TOMM5: variants seen among roughly 807,000 people sequenced by gnomAD.
TOMM5 encodes the protein mitochondrial import receptor subunit TOM5 homolog.
In TOMM5, 1 loss-of-function variant was observed where a neutral mutation model predicts 4.8. The observed-to-expected ratio is 0.21, with a 90% CI of 0.07 to 0.99. The LOEUF is 0.99. Among genes scored for constraint, TOMM5 ranks in the 50% least tolerant of loss-of-function variants. The probability of loss-of-function intolerance (pLI) is 0.60; values close to 1 mark genes in which losing one functional copy is unlikely to be tolerated. For missense variants in TOMM5, 60 were observed against 66.6 expected (o/e 0.90, Z 0.35); for synonymous variants, 26 against 26.7 (o/e 0.97, Z 0.08).
intron 1 of TOMM5, 66 bp downstream of exon 1, chr9:37,592,346 G>A (rs1263036977): frequency 1.9e-6 from 3 of 1,609,472 alleles, no homozygotes; most frequent in Non-Finnish European, 2.5e-6. Flanking sequence ...TGACCCCTTA[G>A]AGTTAAGGGG....
At chr9:37,591,764 G>A (rs576060243) in intron 1 of TOMM5, among the ~76,000 whole-genome samples, 6 of 151,902 alleles carry the variant, frequency 3.9e-5, no homozygotes, top group African/African-American at 1.5e-4. Flanking sequence ...CTGGATTTTA[G>A]GTCAAGATCA....
At chr9:37,592,301 C>G (rs1386144241) in intron 1 of TOMM5, 111 bp downstream of exon 1, 1 of 1,571,152 alleles carries the variant, frequency 6.4e-7, no homozygotes, top group South Asian at 1.2e-5. Flanking sequence ...CCTCCTTGCT[C>G]CCCGCTACCG....
At chr9:37,592,367 T>C (rs1361767044) in intron 1 of TOMM5, 45 bp downstream of exon 1, 22 of 1,612,882 alleles carry the variant, frequency 1.4e-5, no homozygotes, top group Non-Finnish European at 1.9e-5. Flanking sequence ...TGCCCGTCGG[T>C]GAGCTCCCCG....
chr9:37,588,989 T>C (rs984557095), intron 1 of TOMM5, 57 bp from the exon 2 acceptor site: 7 of 1,401,876 alleles, frequency 5.0e-6, no homozygotes, highest in Middle Eastern at 2.0e-4. Flanking sequence ...ATAGGCTACA[T>C]TATAGAATTA....
intron 1 of TOMM5, among the ~76,000 whole-genome samples, chr9:37,591,295 CTTTTTTCCCAT>C (rs1038038990): frequency 4.6e-5 from 7 of 152,102 alleles, no homozygotes; most frequent in African/African-American, 1.7e-4. Context: ...GACTCATATT[CTTTTTTCCCAT>C]TTTTTTCCAA....
Position 37,592,497 on chromosome 9 carries a change from G to C in TOMM5, c.36C>G (p.Asp12Glu), listed in dbSNP as rs1303141933. The C allele has an allele frequency of 6.2e-7, 1 of 1,613,922 alleles. No individual in the cohort carries two copies. The highest frequency in any genetic ancestry group is 2.2e-5 in the East Asian group (1 of 44,872). Residue 12 changes from aspartate (D) to glutamate (E), a missense_variant, in exon 1 of 2, where the codon GAC (aspartate) becomes GAG (glutamate). Asp to Glu is a conservative substitution (Grantham distance 45, BLOSUM62 2). Coordinates refer to ENST00000321301, the MANE Select transcript of TOMM5 (RefSeq NM_001001790.3). Reference sequence around the variant, plus strand: ...GCATCTTCCGTTTCATCTCCTCCGGGTCCAGCTTCGGCGCGAGGCCCTCAA... The same window carrying C: ...GCATCTTCCGTTTCATCTCCTCCGGCTCCAGCTTCGGCGCGAGGCCCTCAA... ...FRIEGLAPKL[D>E]PEEMKRKMRE...
intron 1 of TOMM5, among the ~76,000 whole-genome samples, chr9:37,591,880 G>A (rs1823108666): frequency 6.6e-6 from 1 of 152,082 alleles, no homozygotes; most frequent in African/African-American, 2.4e-5. Context: ...CAAAAACGAG[G>A]GAGTTCCTCT....
intron 1 of TOMM5, among the ~76,000 whole-genome samples, chr9:37,591,693 A>AG (rs1301070074): frequency 6.6e-5 from 6 of 90,280 alleles, no homozygotes; most frequent in Middle Eastern, 5.4e-3. Flanking sequence ...CTGTGTATCG[A>AG]GGAAAAAAAA....
rs1208235611 is a variant in TOMM5 at position 37,592,354 on chromosome 9, G to A, written c.121+58C>T. 1 of 1,611,324 alleles carries A rather than the reference G, an allele frequency of 6.2e-7. No homozygotes were observed. The highest frequency in any genetic ancestry group is 1.1e-5 in the South Asian group (1 of 90,404). ...GCCCCGATGACCCCTTAGAGTTAAG[G>A]GGTGCCCGTCGGTGAGCTCCCCGCT... On this transcript the variant is annotated intron_variant, in intron 1 of 1. Transcript: ENST00000321301.
rs781060334 is a variant in TOMM5 at position 37,592,370 on chromosome 9, GCT to G, written c.121+40_121+41del. 5 of 1,613,148 alleles carry G rather than the reference GCT, an allele frequency of 3.1e-6. No homozygotes were observed. The African/African-American group carries it at 6.7e-5, about 22-fold the overall frequency. On this transcript the variant is annotated intron_variant, in intron 1 of 1. Coordinates refer to ENST00000321301, the MANE Select transcript of TOMM5 (RefSeq NM_001001790.3). ...AGAGTTAAGGGGTGCCCGTCGGTGA[GCT>G]CCCCGCTGGTCTCACAGTCACAGCC...
rs370349476 is a variant in TOMM5, at chr9:37,592,580, G to T, written c.-48C>A. ...CCAGCCGCCGCGCTCTGCTCTCCAC[G>T]GTGGCCGCCTCGCGCCCGGAACTCG... is the stretch of plus-strand genomic sequence containing the variant. On this transcript the variant is annotated 5_prime_UTR_variant, in exon 1 of 2. Transcript: ENST00000321301. The T allele has an allele frequency of 7.8e-5, 124 of 1,588,790 alleles. No homozygotes were observed. Among genetic ancestry groups the T allele is most frequent in the Middle Eastern group, 2.2e-4 (1 of 4,456 alleles).
rs1259157310 is a variant in TOMM5 at position 37,592,348 on chromosome 9, G to A, written c.121+64C>T. On this transcript the variant is annotated intron_variant, in intron 1 of 1. Transcript: ENST00000321301. Reference sequence around the variant, plus strand: ...TCGAAGGCCCCGATGACCCCTTAGAGTTAAGGGGTGCCCGTCGGTGAGCTC... The same window carrying A: ...TCGAAGGCCCCGATGACCCCTTAGAATTAAGGGGTGCCCGTCGGTGAGCTC... 6.2e-7 allele frequency: 1 copy of A among 1,610,022 alleles called. No individual in the cohort carries two copies. The highest frequency in any genetic ancestry group is 2.2e-5 in the East Asian group (1 of 44,710).
At position 37,588,866 on chromosome 9, in the gene TOMM5, C is replaced by T. The variant is rs780372942; in HGVS notation, c.*32G>A. Reference sequence around the variant, plus strand: ...GAGTCGAAACTGTAACCAGGCTCTTCATATCGTGCATTCATATGTGATGTC... The same window carrying T: ...GAGTCGAAACTGTAACCAGGCTCTTTATATCGTGCATTCATATGTGATGTC... On this transcript the variant is annotated 3_prime_UTR_variant, in exon 2 of 2. Transcript: ENST00000321301. 1.1e-5 allele frequency: 17 copies of T among 1,611,274 alleles called. No individual in the cohort carries two copies. Among genetic ancestry groups the T allele is most frequent in the African/African-American group, 4.0e-5 (3 of 74,860 alleles).
chr9:37,592,142 A>G, intron 1 of TOMM5: 1 of 1,362,162 alleles, frequency 7.3e-7, no homozygotes, highest in South Asian at 1.4e-5. Flanking sequence ...TACAGGTGTG[A>G]GCCAACGCGC....
At chr9:37,591,258 A>C (rs913420969) in intron 1 of TOMM5, among the ~76,000 whole-genome samples, 17 of 152,184 alleles carry the variant, frequency 1.1e-4, no homozygotes, top group Admixed American at 3.3e-4. Flanking sequence ...AGAAAAAAAA[A>C]CCTCAAATAT....
intron 1 of TOMM5, among the ~76,000 whole-genome samples, chr9:37,591,418 C>T (rs1823098986): frequency 6.6e-6 from 1 of 151,892 alleles, no homozygotes; most frequent in African/African-American, 2.4e-5. Context: ...GGAACCCGGC[C>T]GCTGGTTCAC....
intron 1 of TOMM5, 49 bp from the exon 2 acceptor site, chr9:37,588,981 A>G: frequency 2.1e-6 from 3 of 1,445,066 alleles, no homozygotes; most frequent in Non-Finnish European, 2.9e-6. Flanking sequence ...ATTAGCCCAT[A>G]GGCTACATTA....
chr9:37,592,148 C>A lies in TOMM5; in HGVS notation c.121+264G>T, dbSNP rs1823112657. On this transcript the variant is annotated intron_variant, in intron 1 of 1. Coordinates refer to ENST00000321301, the MANE Select transcript of TOMM5 (RefSeq NM_001001790.3). ...GGGTGGGATTACAGGTGTGAGCCAA[C>A]GCGCCCGGCAGCTCAAACATTCTTC... 6 of 1,401,534 alleles carry A rather than the reference C, an allele frequency of 4.3e-6. No individual in the cohort carries two copies. The Admixed American group carries it at 1.2e-4, about 27-fold the overall frequency. 86.8% of individuals were successfully genotyped at this position (1,401,534 alleles called of 1,614,324 possible). A position where few individuals can be genotyped will look rare whatever the true frequency, so the allele number is the denominator to read the frequency against.
chr9:37,591,191 A>G (rs917251697), intron 1 of TOMM5, among the ~76,000 whole-genome samples: 2 of 152,196 alleles, frequency 1.3e-5, no homozygotes, highest in African/African-American at 4.8e-5. Context: ...TGCCTCCCTC[A>G]AAGGTCCACT....
Sources: gnomAD v4.1 joint callset for allele counts (sites outside exome capture counted in the v4.1 genomes callset) on GRCh38, gnomAD v4.1.1 for gene constraint, MANE v1.5 for transcripts, NCBI Gene and HGNC (gene_info 2026-07-23, HGNC 2026-07-21) for gene names.